CHRM5: variants seen among roughly 807,000 people sequenced by gnomAD.
CHRM5 encodes muscarinic acetylcholine receptor M5.
CHRM5 carries 18 observed loss-of-function variants against 39.0 expected under a neutral mutation model. That is an observed-to-expected ratio of 0.46 (90% CI 0.32 to 0.68). The LOEUF (loss-of-function observed/expected upper bound fraction) is 0.68, where lower values mean the gene tolerates loss of function less well. Among genes scored for constraint, CHRM5 ranks in the 30% least tolerant of loss-of-function variants. The probability of loss-of-function intolerance (pLI) is 0.04; values close to 1 mark genes in which losing one functional copy is unlikely to be tolerated. For synonymous variants in CHRM5, 241 were observed against 246.3 expected, an observed-to-expected ratio of 0.98 and a Z score of 0.20; for missense variants, 515 against 651.1, an observed-to-expected ratio of 0.79 and a Z score of 2.28.
intron 1 of CHRM5, among the ~76,000 whole-genome samples, chr15:34,000,660 A>G (rs1897103497): frequency 6.6e-6 from 1 of 152,242 alleles, no homozygotes; most frequent in South Asian, 2.1e-4. Context: ...AATTTTTATT[A>G]TCAGAGAATG....
chr15:34,042,396 G>GTTTTTTTTTT (rs35456951), intron 1 of CHRM5, among the ~76,000 whole-genome samples: 1 of 130,388 alleles, frequency 7.7e-6, no homozygotes, highest in Non-Finnish European at 1.6e-5. Context: ...CATGACCTAA[G>GTTTTTTTTTT]TTTTTTTTTT....
chr15:33,997,519 G>A (rs1333818332), intron 1 of CHRM5, among the ~76,000 whole-genome samples: 14 of 152,114 alleles, frequency 9.2e-5, no homozygotes, highest in East Asian at 5.8e-4. Context: ...TATCATTACC[G>A]TCATCCGCAA....
In CHRM5 at chr15:34,062,870, C is replaced by T; in HGVS notation, c.153C>T (p.Val51=). The T allele has an allele frequency of 1.2e-6, 2 of 1,614,222 alleles. No individual in the cohort carries two copies. The highest frequency in any genetic ancestry group is 1.7e-6 in the Non-Finnish European group (2 of 1,180,034). Residue 51 remains valine, a synonymous_variant, in exon 3 of 3, where the codon GTC becomes GTT. Transcript: ENST00000383263. ...TCACCATTGTGGGCAATGTCTTGGT[C>T]ATGATCTCCTTCAAAGTCAACAGCC... The part of the protein sequence containing the change: ...SLITIVGNVL[V]MISFKVNSQL...
chr15:34,053,618 C>G (rs1358273043), intron 2 of CHRM5, among the ~76,000 whole-genome samples: 2 of 151,966 alleles, frequency 1.3e-5, no homozygotes, highest in African/African-American at 4.8e-5. Flanking sequence ...AGAGAACTGG[C>G]TAGCTATATG....
At chr15:33,973,461 C>T (rs1270369995) in intron 1 of CHRM5, among the ~76,000 whole-genome samples, 1 of 152,180 alleles carries the variant, frequency 6.6e-6, no homozygotes, top group East Asian at 1.9e-4. Flanking sequence ...TTCTGGGTAA[C>T]TTCTGGTAAT....
chr15:34,025,287 C>G (rs1235546498), intron 1 of CHRM5, among the ~76,000 whole-genome samples: 2 of 152,148 alleles, frequency 1.3e-5, no homozygotes, highest in Non-Finnish European at 2.9e-5. Context: ...GAAACCAACT[C>G]TGGCTAATTT....
At chr15:34,014,657 C>G (rs369386579) in intron 1 of CHRM5, among the ~76,000 whole-genome samples, 12 of 152,254 alleles carry the variant, frequency 7.9e-5, no homozygotes, top group African/African-American at 2.9e-4. Context: ...TCTGACAGAC[C>G]TGGGCATCCC....
At chr15:34,038,654 A>C (rs1597379204) in intron 1 of CHRM5, 40 of 854,202 alleles carry the variant, frequency 4.7e-5, no homozygotes, top group South Asian at 1.1e-4. Context: ...CGTCCCGCGC[A>C]GGCGCCGGCG....
At chr15:33,981,874 G>T (rs1050272112) in intron 1 of CHRM5, among the ~76,000 whole-genome samples, 18 of 152,006 alleles carry the variant, frequency 1.2e-4, no homozygotes, top group African/African-American at 4.1e-4. Context: ...TCACTCTGTT[G>T]CCCAGGCTGG....
rs568318252 is a variant in CHRM5, at chr15:33,973,964, G to A, written c.-408+4814G>A. On this transcript the variant is annotated intron_variant, in intron 1 of 2. Transcript: ENST00000383263. Reference sequence around the variant, plus strand: ...GATAATAGGCAAGTAGGTAACTGCAGAAAAGTCTAATGAAGGAGTCTTTTA... The same window carrying A: ...GATAATAGGCAAGTAGGTAACTGCAAAAAAGTCTAATGAAGGAGTCTTTTA... 2.6e-3 allele frequency among the ~76,000 whole-genome samples: 401 copies of A among 152,296 alleles called. 8 individuals are homozygous for A. Among genetic ancestry groups the A allele is most frequent in the Non-Finnish European group, 3.4e-3 (232 of 68,018 alleles).
At position 33,974,857 on chromosome 15, in the gene CHRM5, C is replaced by T. The variant is rs191487795; in HGVS notation, c.-408+5707C>T. ...GTGTGGTGGTGCATGCCTGTAATCC[C>T]CGCTACTTGGAGGCTGGGGCCGGAG... On this transcript the variant is annotated intron_variant, in intron 1 of 2. Transcript: ENST00000383263. Among the ~76,000 whole-genome samples, 161 of 152,196 alleles carry T rather than the reference C, an allele frequency of 1.1e-3. 1 individual carries two copies. The highest frequency in any genetic ancestry group is 3.4e-3 in the Middle Eastern group (1 of 294).
intron 1 of CHRM5, among the ~76,000 whole-genome samples, chr15:34,003,529 T>TAA (rs1431397780): frequency 2.6e-5 from 4 of 152,224 alleles, no homozygotes; most frequent in Admixed American, 6.5e-5. Flanking sequence ...GTAAGCATCT[T>TAA]AAACTCAAAG....
At chr15:33,983,536 A>G (rs1367465894) in intron 1 of CHRM5, among the ~76,000 whole-genome samples, 1 of 152,106 alleles carries the variant, frequency 6.6e-6, no homozygotes, top group Non-Finnish European at 1.5e-5. Flanking sequence ...GTCCAAGGCA[A>G]TTCTTGGCTT....
intron 1 of CHRM5, among the ~76,000 whole-genome samples, chr15:33,974,088 C>A (rs1417908653): frequency 6.6e-6 from 1 of 152,042 alleles, no homozygotes; most frequent in Non-Finnish European, 1.5e-5. Flanking sequence ...GCAAATTTAT[C>A]CCTTATGCTT....
At chr15:34,053,333 T>TATAC (rs1900014100) in intron 2 of CHRM5, among the ~76,000 whole-genome samples, 1 of 134,954 alleles carries the variant, frequency 7.4e-6, no homozygotes, top group South Asian at 2.3e-4. Context: ...TATATATATA[T>TATAC]ATATATATAT....
chr15:34,017,015 A>ATCCCCGT (rs200358414), intron 1 of CHRM5, among the ~76,000 whole-genome samples: 28 of 151,710 alleles, frequency 1.8e-4, no homozygotes, highest in Admixed American at 5.2e-4. Flanking sequence ...CCTGTAGTCC[A>ATCCCCGT]AGCTACTCAG....
At chr15:34,027,825 C>A (rs867242393) in intron 1 of CHRM5, among the ~76,000 whole-genome samples, 100 of 61,142 alleles carry the variant, frequency 1.6e-3, no homozygotes, top group African/African-American at 2.6e-3. Flanking sequence ...AGGTGAGGCT[C>A]AAAAAAAAAA....
At chr15:34,039,049 G>C in intron 1 of CHRM5, 1 of 1,103,426 alleles carries the variant, frequency 9.1e-7, no homozygotes, top group Non-Finnish European at 1.1e-6. Context: ...GCCTGCATCT[G>C]GCCGCCGCTG....
At chr15:33,986,994 T>C (rs1869837248) in intron 1 of CHRM5, among the ~76,000 whole-genome samples, 1 of 152,194 alleles carries the variant, frequency 6.6e-6, no homozygotes, top group Admixed American at 6.5e-5. Flanking sequence ...AGATAAAATA[T>C]AGATTTACTT....
Sources: allele counts gnomAD v4.1 joint callset (sites outside exome capture counted in the v4.1 genomes callset), GRCh38; gene constraint gnomAD v4.1.1; transcripts MANE v1.5; gene names NCBI Gene and HGNC (gene_info 2026-07-23, HGNC 2026-07-21).